The following PTPRT variants were observed in gnomAD, a reference collection of about 807,000 sequenced individuals.
The protein encoded by PTPRT is receptor-type tyrosine-protein phosphatase T.
In PTPRT, 56 loss-of-function variants were observed where a neutral mutation model predicts 176.8. The observed-to-expected ratio is 0.32, with a 90% CI of 0.26 to 0.40. The LOEUF (loss-of-function observed/expected upper bound fraction) is 0.40, where lower values mean the gene tolerates loss of function less well. Ranked by LOEUF, PTPRT falls within the 10% of genes least tolerant of loss-of-function variation. The pLI, the probability that PTPRT is intolerant of heterozygous loss-of-function variation, is 1.00. For synonymous variants in PTPRT, 783 were observed against 739.0 expected (o/e 1.06, Z -0.96); for missense variants, 1,540 against 1,908.2 (o/e 0.81, Z 3.60).
chr20:43,111,434 C>T (rs2012862091), intron 1 of PTPRT, among the ~76,000 whole-genome samples: 1 of 151,238 alleles, frequency 6.6e-6, no homozygotes, highest in South Asian at 2.1e-4. Context: ...ATCCTAGCTA[C>T]TCAGGAGGCT....
intron 9 of PTPRT, among the ~76,000 whole-genome samples, chr20:42,428,213 C>T (rs973501663): frequency 2.6e-4 from 39 of 152,190 alleles, no homozygotes; most frequent in Admixed American, 1.3e-4. Flanking sequence ...CAAAGGGTTC[C>T]ATAGATTACA....
intron 2 of PTPRT, among the ~76,000 whole-genome samples, chr20:42,815,838 G>A (rs947403448): frequency 8.5e-5 from 13 of 152,154 alleles, no homozygotes; most frequent in African/African-American, 2.7e-4. Context: ...GTCAAAAATT[G>A]TATACCCAGC....
In PTPRT at chr20:42,836,459, C is replaced by G. The variant is rs558951092; in HGVS notation, c.215-44993G>C. ...AGCCCTCCCAGATTAGAAGCTGATC[C>G]TCATGACTCCTTACAAGCTTGGCAA... On this transcript the variant is annotated intron_variant, in intron 2 of 30. Transcript: ENST00000373187. Among the ~76,000 whole-genome samples, 4 of 152,278 alleles carry G rather than the reference C, an allele frequency of 2.6e-5. No homozygotes were observed. In the East Asian group the frequency reaches 7.7e-4, roughly 29 times the overall value.
chr20:42,645,336 G>A (rs532928432), intron 7 of PTPRT, among the ~76,000 whole-genome samples: 13 of 152,258 alleles, frequency 8.5e-5, no homozygotes, highest in African/African-American at 2.9e-4. Context: ...ATCCAATGTC[G>A]GCTGGGAATG....
At chr20:42,131,103 C>T (rs1988102426) in intron 18 of PTPRT, among the ~76,000 whole-genome samples, 1 of 152,122 alleles carries the variant, frequency 6.6e-6, no homozygotes, top group Non-Finnish European at 1.5e-5. Context: ...CCTACTCTGC[C>T]CACATAACTT....
intron 1 of PTPRT, among the ~76,000 whole-genome samples, chr20:43,126,366 A>AT (rs1205301644): frequency 6.6e-6 from 1 of 151,840 alleles, no homozygotes; most frequent in Non-Finnish European, 1.5e-5. Flanking sequence ...GAAAAAAAAA[A>AT]GAAAGAAAAA....
At chr20:42,104,510 A>AT in intron 25 of PTPRT, 59 bp downstream of exon 25, 1 of 1,502,454 alleles carries the variant, frequency 6.7e-7, no homozygotes, top group Non-Finnish European at 9.1e-7. Flanking sequence ...ATCTATGGAA[A>AT]TTTGTTATAA....
chr20:42,105,820 G>A (rs1043736939), intron 24 of PTPRT, among the ~76,000 whole-genome samples: 7 of 152,346 alleles, frequency 4.6e-5, no homozygotes, highest in Admixed American at 4.6e-4. Flanking sequence ...GAGGCTGGCT[G>A]TACCAAAACC....
chr20:42,161,532 G>A lies in PTPRT; in HGVS notation c.2502C>T (p.Ser834=). Residue 834 remains serine, a synonymous_variant, in exon 17 of 31, where the codon AGC becomes AGT. Transcript: ENST00000373187. ...SQDVNGFTDG[S]RGELSQPTLT... ...GGGTGGGCTGGGAAAGCTCCCCGCG[G>A]CTGCCATCTGCTTCGAAAAGAAGGA... The A allele has an allele frequency of 6.2e-7, 1 of 1,606,586 alleles. No individual in the cohort carries two copies. Among genetic ancestry groups the A allele is most frequent in the Non-Finnish European group, 8.5e-7 (1 of 1,176,444 alleles).
chr20:42,040,761 A>C, the PTPRT span, among the ~76,000 whole-genome samples: 2 of 152,230 alleles, frequency 1.3e-5, no homozygotes, highest in African/African-American at 4.8e-5. Context: ...GTAGACACAG[A>C]CATCAGAAAT....
At chr20:42,458,488 T>G (rs2070961641) in intron 8 of PTPRT, among the ~76,000 whole-genome samples, 2 of 152,156 alleles carry the variant, frequency 1.3e-5, no homozygotes, top group Admixed American at 1.3e-4. Context: ...GGATTTGATA[T>G]GTTAATATAC....
intron 16 of PTPRT, among the ~76,000 whole-genome samples, chr20:42,193,789 C>T (rs1419649403): frequency 1.3e-5 from 2 of 152,172 alleles, no homozygotes; most frequent in East Asian, 3.8e-4. Context: ...TTTTAGATTA[C>T]ATTTTAATGT....
chr20:42,406,479 G>A (rs1004069778), intron 9 of PTPRT, among the ~76,000 whole-genome samples: 3 of 151,886 alleles, frequency 2.0e-5, no homozygotes, highest in Admixed American at 6.6e-5. Context: ...AGAAAATCAC[G>A]TAACAGTTTA....
intron 2 of PTPRT, among the ~76,000 whole-genome samples, chr20:42,855,343 T>C (rs2078542359): frequency 6.6e-6 from 1 of 151,576 alleles, no homozygotes; most frequent in African/African-American, 2.4e-5. Flanking sequence ...TTATTAATTC[T>C]GAAACTCAGA....
intron 1 of PTPRT, among the ~76,000 whole-genome samples, chr20:43,013,658 T>A (rs1440285347): frequency 1.5e-4 from 23 of 152,160 alleles, no homozygotes; most frequent in Non-Finnish European, 1.5e-5. Flanking sequence ...GGATAAGCAC[T>A]CCTTGAAGAA....
At chr20:42,181,893 T>C (rs907066951) in intron 16 of PTPRT, among the ~76,000 whole-genome samples, 1 of 150,530 alleles carries the variant, frequency 6.6e-6, no homozygotes, top group African/African-American at 2.5e-5. Context: ...TAGAATGTAG[T>C]AAAATTAAAA....
chr20:42,728,712 G>A (rs1250718455), intron 6 of PTPRT, among the ~76,000 whole-genome samples: 1 of 152,172 alleles, frequency 6.6e-6, no homozygotes, highest in Admixed American at 6.5e-5. Flanking sequence ...AAGGGACAAT[G>A]ACCACGGGCC....
intron 7 of PTPRT, among the ~76,000 whole-genome samples, chr20:42,660,260 C>A (rs1481989949): frequency 6.6e-6 from 1 of 152,102 alleles, no homozygotes; most frequent in Non-Finnish European, 1.5e-5. Flanking sequence ...AAATATGGCA[C>A]CCACTCTGAT....
At chr20:42,554,142 T>A (rs190270121) in intron 7 of PTPRT, among the ~76,000 whole-genome samples, 3 of 151,994 alleles carry the variant, frequency 2.0e-5, no homozygotes, top group African/African-American at 7.2e-5. Context: ...CTACAGAGAG[T>A]CCTTGAATTT....
Sources: allele counts gnomAD v4.1 joint callset (sites outside exome capture counted in the v4.1 genomes callset), GRCh38; gene constraint gnomAD v4.1.1; transcripts MANE v1.5; gene names NCBI Gene and HGNC (gene_info 2026-07-23, HGNC 2026-07-21).